ZSWIM5: variants seen among roughly 807,000 people sequenced by gnomAD.
The protein encoded by ZSWIM5 is zinc finger SWIM domain-containing protein 5.
Under a neutral mutation model 119.6 loss-of-function variants are expected in ZSWIM5, and 55 were observed. The observed-to-expected ratio is 0.46, with a 90% CI of 0.37 to 0.58. The LOEUF (loss-of-function observed/expected upper bound fraction) is 0.58. ZSWIM5 is among the 20% of genes least tolerant of loss of function. The pLI is 0.00. For missense variants in ZSWIM5, 1,193 were observed against 1,512.8 expected (o/e 0.79, Z 3.51); for synonymous variants, 537 against 606.9 (o/e 0.88, Z 1.69).
intron 2 of ZSWIM5, among the ~76,000 whole-genome samples, chr1:45,066,838 T>C (rs1417559113): frequency 6.6e-6 from 1 of 152,122 alleles, no homozygotes; most frequent in Non-Finnish European, 1.5e-5. Flanking sequence ...ACGTGAGAGA[T>C]TATAGTGGTT....
intron 11 of ZSWIM5, among the ~76,000 whole-genome samples, chr1:45,029,266 C>T (rs548132656): frequency 6.6e-6 from 1 of 152,368 alleles, no homozygotes; most frequent in South Asian, 2.1e-4. Flanking sequence ...AAGTCTTCTT[C>T]AATTTGGAAA....
intron 1 of ZSWIM5, among the ~76,000 whole-genome samples, chr1:45,179,144 G>T (rs1305391316): frequency 6.6e-6 from 1 of 152,038 alleles, no homozygotes; most frequent in Non-Finnish European, 1.5e-5. Context: ...ACACATACGT[G>T]TACCTGTATA....
chr1:45,038,854 C>T (rs1034536976), intron 8 of ZSWIM5, 82 bp downstream of exon 8: 7 of 1,566,896 alleles, frequency 4.5e-6, no homozygotes, highest in Non-Finnish European at 6.1e-6. Flanking sequence ...CCTTGGCCTC[C>T]CAAAATGCTA....
chr1:45,020,263 G>T, intron 12 of ZSWIM5, 116 bp from the exon 13 acceptor site: 1 of 809,718 alleles, frequency 1.2e-6, no homozygotes, highest in East Asian at 2.6e-5. Context: ...TGGTCTCTCC[G>T]CTGATAAACA....
intron 1 of ZSWIM5, among the ~76,000 whole-genome samples, chr1:45,103,462 A>G (rs1351040938): frequency 1.3e-5 from 2 of 152,238 alleles, no homozygotes; most frequent in Non-Finnish European, 2.9e-5. Context: ...TAAAGTTGGG[A>G]TCTGAACACA....
chr1:45,069,570 AATTTTTGATAC>A (rs1645209146), intron 2 of ZSWIM5, among the ~76,000 whole-genome samples: 1 of 152,120 alleles, frequency 6.6e-6, no homozygotes, highest in South Asian at 2.1e-4. Context: ...GACTCGTTTT[AATTTTTGATAC>A]ATTTTTCCTC....
chr1:45,086,483 A>C (rs1645330543), intron 2 of ZSWIM5, among the ~76,000 whole-genome samples: 1 of 152,222 alleles, frequency 6.6e-6, no homozygotes, highest in East Asian at 1.9e-4. Context: ...TATACCCCAC[A>C]AAGTAGTTTT....
intron 1 of ZSWIM5, among the ~76,000 whole-genome samples, chr1:45,171,212 T>C (rs934837811): frequency 6.6e-6 from 1 of 152,116 alleles, no homozygotes; most frequent in Non-Finnish European, 1.5e-5. Flanking sequence ...GTTTCCAGAA[T>C]AGCATATATT....
intron 11 of ZSWIM5, among the ~76,000 whole-genome samples, chr1:45,031,805 A>G (rs1358977388): frequency 6.9e-6 from 1 of 144,740 alleles, no homozygotes; most frequent in South Asian, 2.2e-4. Flanking sequence ...ACGCCACTGC[A>G]TTCCAACCTG....
At chr1:45,080,905 A>G (rs1645285951) in intron 2 of ZSWIM5, among the ~76,000 whole-genome samples, 1 of 152,188 alleles carries the variant, frequency 6.6e-6, no homozygotes, top group Admixed American at 6.5e-5. Context: ...AAGTCAAGGC[A>G]ATGTCTAGCT....
intron 1 of ZSWIM5, among the ~76,000 whole-genome samples, chr1:45,202,370 C>T (rs1646163241): frequency 6.6e-6 from 1 of 151,986 alleles, no homozygotes; most frequent in Admixed American, 6.6e-5. Context: ...TACAAGTGTA[C>T]ACAATTTTAA....
intron 8 of ZSWIM5, 126 bp downstream of exon 8, chr1:45,038,809 TG>T (rs869223155): frequency 9.0e-7 from 1 of 1,112,548 alleles, no homozygotes; most frequent in Non-Finnish European, 1.3e-6. Context: ...TTGCCCAGGC[TG>T]GTCTTGAACT....
chr1:45,185,840 C>T (rs1242418225), intron 1 of ZSWIM5, among the ~76,000 whole-genome samples: 33 of 152,246 alleles, frequency 2.2e-4, no homozygotes, highest in African/African-American at 4.6e-4. Flanking sequence ...GAAGACAGTG[C>T]GGCAATTCCT....
At chr1:45,086,395 T>TTA (rs1645330137) in intron 2 of ZSWIM5, among the ~76,000 whole-genome samples, 1 of 152,152 alleles carries the variant, frequency 6.6e-6, no homozygotes, top group Admixed American at 6.5e-5. Context: ...TCAAAAAACT[T>TTA]TAGAGAAATT....
At chr1:45,063,708 C>T (rs1470209458) in intron 2 of ZSWIM5, among the ~76,000 whole-genome samples, 1 of 152,052 alleles carries the variant, frequency 6.6e-6, no homozygotes, top group African/African-American at 2.4e-5. Flanking sequence ...AAACAGAAAC[C>T]ATAGGAAGGC....
chr1:45,070,345 A>G (rs965416334), intron 2 of ZSWIM5: 50 of 1,412,408 alleles, frequency 3.5e-5, no homozygotes, highest in Admixed American at 5.1e-5. Flanking sequence ...GTCATGGCCA[A>G]CGGCATGGGC....
chr1:45,133,358 T>G (rs1479511586), intron 1 of ZSWIM5, among the ~76,000 whole-genome samples: 2 of 152,248 alleles, frequency 1.3e-5, no homozygotes, highest in Admixed American at 1.3e-4. Context: ...ATTTCTCTGA[T>G]GGCCAGTGAT....
At chr1:45,063,368 T>C (rs950645803) in intron 2 of ZSWIM5, among the ~76,000 whole-genome samples, 1 of 152,164 alleles carries the variant, frequency 6.6e-6, no homozygotes, top group African/African-American at 2.4e-5. Context: ...TTTTAAGTGC[T>C]CTGAGAACTC....
At chr1:45,069,349 C>T (rs1645206719) in intron 2 of ZSWIM5, among the ~76,000 whole-genome samples, 1 of 151,914 alleles carries the variant, frequency 6.6e-6, no homozygotes, top group Middle Eastern at 3.4e-3. Context: ...TGGTGTGAAC[C>T]CGGGAGGCGG....
Sources: allele counts gnomAD v4.1 joint callset (sites outside exome capture counted in the v4.1 genomes callset), GRCh38; gene constraint gnomAD v4.1.1; transcripts MANE v1.5; gene names NCBI Gene and HGNC (gene_info 2026-07-23, HGNC 2026-07-21).